Variants in IGSF9B observed in about 807,000 individuals in gnomAD.
The protein encoded by IGSF9B is immunoglobulin superfamily member 9B, also known as protein turtle homolog B.
A neutral mutation model predicts 143.7 loss-of-function variants in IGSF9B; 48 were observed. The observed-to-expected ratio is 0.33, with a 90% CI of 0.26 to 0.42. The LOEUF is 0.42. IGSF9B is among the 20% of genes least tolerant of loss of function. The pLI, the probability that IGSF9B is intolerant of heterozygous loss-of-function variation, is 1.00. For synonymous variants in IGSF9B, 903 were observed against 833.1 expected (o/e 1.08, Z -1.44); for missense variants, 1,706 against 1,980.0 (o/e 0.86, Z 2.63).
chr11:133,903,771 C>T lies in IGSF9B; in HGVS notation c.*5298G>A, dbSNP rs1048137984. Among the ~76,000 whole-genome samples the T allele has an allele frequency of 1.1e-4, 16 of 152,204 alleles. No homozygotes were observed. Among genetic ancestry groups the T allele is most frequent in the Admixed American group, 2.0e-4 (3 of 15,282 alleles). ...TGAAAGAAGGTTTTGAGAGTACAGA[C>T]AGGAACCCAGAAATAAGGCTCTGAA... is the stretch of plus-strand genomic sequence containing the variant. On this transcript the variant is annotated 3_prime_UTR_variant, in exon 20 of 20. Transcript: ENST00000533871.
intron 1 of IGSF9B, among the ~76,000 whole-genome samples, chr11:133,951,081 C>G (rs894901362): frequency 5.9e-5 from 9 of 152,170 alleles, no homozygotes; most frequent in African/African-American, 2.2e-4. Context: ...AGCCGGCAGA[C>G]CCGGGGCTCT....
rs1021443002 is a variant in IGSF9B, at chr11:133,902,862, C to T, written c.*6207G>A. On this transcript the variant is annotated 3_prime_UTR_variant, in exon 20 of 20. Transcript: ENST00000533871. ...CCACCAGAAATACAGCTTCATAGAC[C>T]ACTATGCCAAAAGGAGGCCAAAGCC... Among the ~76,000 whole-genome samples, 4 of 152,154 alleles carry T rather than the reference C, an allele frequency of 2.6e-5. No homozygotes were observed. Among genetic ancestry groups the T allele is most frequent in the African/African-American group, 9.7e-5 (4 of 41,432 alleles).
intron 19 of IGSF9B, among the ~76,000 whole-genome samples, chr11:133,910,288 T>C (rs1261908128): frequency 6.6e-6 from 1 of 152,182 alleles, no homozygotes; most frequent in African/African-American, 2.4e-5. Context: ...GGTGGCTGTG[T>C]GTGGAGTCCA....
chr11:133,925,697 C>T (rs1350845082), intron 14 of IGSF9B, 42 bp downstream of exon 14: 2 of 1,562,442 alleles, frequency 1.3e-6, no homozygotes, highest in African/African-American at 2.7e-5. Context: ...TTGTCGCTTC[C>T]CGGATTTGGG....
intron 18 of IGSF9B, among the ~76,000 whole-genome samples, chr11:133,917,775 G>C (rs963279144): frequency 6.6e-6 from 1 of 152,076 alleles, no homozygotes; most frequent in Non-Finnish European, 1.5e-5. Flanking sequence ...GCTGGTGAGG[G>C]GCCAGCCACC....
rs1241565338 is a variant in IGSF9B at position 133,909,467 on chromosome 11, A to C, written c.4106-190T>G. Reference sequence around the variant, plus strand: ...CTTCTTTTCCGCCAAGACAACCAGCAACCTGACCCTGCTCCTTTCACTTGA... The same window carrying C: ...CTTCTTTTCCGCCAAGACAACCAGCCACCTGACCCTGCTCCTTTCACTTGA... On this transcript the variant is annotated intron_variant, in intron 19 of 19. Transcript: ENST00000533871. The surrounding 1 kb of genome is among the most constrained non-coding windows in gnomAD (Gnocchi z 4.2). Among the ~76,000 whole-genome samples the C allele has an allele frequency of 6.6e-6, 1 of 152,200 alleles. No individual in the cohort carries two copies. The highest frequency in any genetic ancestry group is 6.5e-5 in the Admixed American group (1 of 15,280).
In IGSF9B at chr11:133,931,633, C is replaced by A; in HGVS notation, c.1251+22G>T. 1 of 1,607,446 alleles carries A rather than the reference C, an allele frequency of 6.2e-7. No homozygotes were observed. Among genetic ancestry groups the A allele is most frequent in the Non-Finnish European group, 8.5e-7 (1 of 1,175,862 alleles). On this transcript the variant is annotated intron_variant, in intron 9 of 19. Coordinates refer to ENST00000533871, the MANE Select transcript of IGSF9B (RefSeq NM_001277285.4). The surrounding 1 kb of genome is among the most constrained non-coding windows in gnomAD (Gnocchi z 7.7). ...ATCCAGGTGCCCAGCTCATGGAGGC[C>A]GTCACAGCCCTGGGACCTCACCTTC...
In IGSF9B at chr11:133,931,566, G is replaced by T; in HGVS notation, c.1255C>A (p.Pro419Thr). 1 of 1,613,186 alleles carries T rather than the reference G, an allele frequency of 6.2e-7. No homozygotes were observed. Among genetic ancestry groups the T allele is most frequent in the Non-Finnish European group, 8.5e-7 (1 of 1,179,728 alleles). Residue 419 changes from proline (P) to threonine (T), a missense_variant, in exon 10 of 20, where the codon CCC becomes ACC. Physicochemically the swap from Pro to Thr is conservative, Grantham distance 38. This residue lies in a region of IGSF9B where 238 missense variants were observed against 452.6 expected (regional missense o/e 0.53). Transcript: ENST00000533871. The surrounding 1 kb of genome is among the most constrained non-coding windows in gnomAD (Gnocchi z 7.7). ...SAPARLVLKD[P>T]PYFTVLPGWE... ...CCTGGTAGCACCGTGAAATAGGGGG[G>T]GTCCTGGGGAGGAAAGCACAGGCAC...
In IGSF9B at chr11:133,956,950, G is replaced by A; in HGVS notation, c.-196C>T. ...CTCGGCGCGCGCCTCCCCGGCCCCGGCGCAGCGGCACCTGCACTACTCGCC... is the reference window on the plus strand; with the variant it reads ...CTCGGCGCGCGCCTCCCCGGCCCCGACGCAGCGGCACCTGCACTACTCGCC... On this transcript the variant is annotated 5_prime_UTR_variant, in exon 1 of 20. Coordinates refer to ENST00000533871, the MANE Select transcript of IGSF9B (RefSeq NM_001277285.4). 5.3e-6 allele frequency: 2 copies of A among 378,610 alleles called. No homozygotes were observed. The highest frequency in any genetic ancestry group is 9.4e-6 in the Non-Finnish European group (2 of 211,816). 23.5% of individuals were successfully genotyped at this position (378,610 alleles called of 1,614,324 possible).
chr11:133,925,222 G>A (rs1473184951), intron 14 of IGSF9B, among the ~76,000 whole-genome samples: 1 of 152,210 alleles, frequency 6.6e-6, no homozygotes, highest in Non-Finnish European at 1.5e-5. Context: ...AAGGAAGACA[G>A]AAAGATAGAT....
At chr11:133,911,339 G>A (rs1006370942) in intron 19 of IGSF9B, among the ~76,000 whole-genome samples, 3 of 152,218 alleles carry the variant, frequency 2.0e-5, no homozygotes, top group African/African-American at 7.2e-5. Context: ...TCACTGAGAA[G>A]GGTGTAGCCA....
At chr11:133,917,106 G>C (rs3802920) in intron 18 of IGSF9B, among the ~76,000 whole-genome samples, 17 of 152,174 alleles carry the variant, frequency 1.1e-4, no homozygotes, top group African/African-American at 3.6e-4. Context: ...CATCTCTAGG[G>C]GGGGAAGGCA....
At chr11:133,921,727 G>C (rs1054024228) in intron 17 of IGSF9B, among the ~76,000 whole-genome samples, 9 of 151,930 alleles carry the variant, frequency 5.9e-5, no homozygotes, top group Non-Finnish European at 1.2e-4. Context: ...TCTTTCCAGT[G>C]AACACCCGCC....
At chr11:133,955,285 C>G (rs1039850907) in intron 1 of IGSF9B, among the ~76,000 whole-genome samples, 4 of 152,208 alleles carry the variant, frequency 2.6e-5, no homozygotes, top group African/African-American at 9.6e-5. Context: ...AGTGTTCCCA[C>G]CTGACAAATG....
Position 133,899,633 on chromosome 11 carries a change from G to A in IGSF9B, c.*9436C>T, listed in dbSNP as rs1939084731. On this transcript the variant is annotated 3_prime_UTR_variant, in exon 20 of 20. Transcript: ENST00000533871. ...TGGGCTGGCCCTGGTGGGAGGGCAA[G>A]CCCTAGGACATGCCCGAGGTGTTGG... The A allele has an allele frequency of 6.6e-6, 1 of 152,318 alleles. No homozygotes were observed. Among genetic ancestry groups the A allele is most frequent in the Admixed American group, 6.5e-5 (1 of 15,294 alleles). The allele number at this position is 152,318 out of a possible 1,614,324, so 9.4% of individuals were successfully genotyped here. A position where few individuals can be genotyped will look rare whatever the true frequency, so the allele number is the denominator to read the frequency against.
At chr11:133,934,825 GTGAGCAA>G (rs1309719088) in intron 7 of IGSF9B, among the ~76,000 whole-genome samples, 2 of 152,230 alleles carry the variant, frequency 1.3e-5, no homozygotes, top group African/African-American at 4.8e-5. Context: ...GTCGCTGGGT[GTGAGCAA>G]TCCGCCCACA....
chr11:133,930,601 C>T (rs922754149), intron 11 of IGSF9B, among the ~76,000 whole-genome samples: 3 of 152,154 alleles, frequency 2.0e-5, no homozygotes, highest in Admixed American at 6.5e-5. Context: ...CTGCAGGTCT[C>T]AGCTCTGCCC....
chr11:133,918,802 CAGAG>C (rs34060525), intron 18 of IGSF9B, among the ~76,000 whole-genome samples: 9 of 148,036 alleles, frequency 6.1e-5, no homozygotes, highest in South Asian at 4.5e-4. Context: ...AGGACGGAGC[CAGAG>C]AGAGAGAGAG....
intron 15 of IGSF9B, among the ~76,000 whole-genome samples, chr11:133,924,212 C>A (rs1048826498): frequency 2.0e-5 from 3 of 152,184 alleles, no homozygotes; most frequent in Non-Finnish European, 4.4e-5. Context: ...ACCAAGGACA[C>A]CCCTTCACTG....
Sources: allele counts gnomAD v4.1 joint callset (sites outside exome capture counted in the v4.1 genomes callset), GRCh38; gene constraint gnomAD v4.1.1; regional missense constraint gnomAD v4.1.1; non-coding constraint Gnocchi (gnomAD v3.1); transcripts MANE v1.5; gene names NCBI Gene and HGNC (gene_info 2026-07-23, HGNC 2026-07-21).